Variants in TTN observed in about 807,000 individuals in gnomAD.
TTN encodes connectin.
TTN carries 1,525 observed loss-of-function variants against 3,223.0 expected under a neutral mutation model. The observed-to-expected ratio is 0.47, with a 90% CI of 0.45 to 0.49. The LOEUF (loss-of-function observed/expected upper bound fraction) is 0.49. Ranked by LOEUF, TTN falls within the 20% of genes least tolerant of loss-of-function variation. TTN has a pLI of 0.00. For synonymous variants in TTN, 14,094 were observed against 15,161.0 expected, an observed-to-expected ratio of 0.93 and a Z score of 5.17; for missense variants, 40,786 against 43,424.0, an observed-to-expected ratio of 0.94 and a Z score of 5.40.
intron 274 of TTN, 47 bp downstream of exon 274, chr2:178,608,559 A>G (rs1430904286): frequency 1.3e-6 from 2 of 1,583,158 alleles, no homozygotes; most frequent in Admixed American, 1.9e-5. Context: ...ATTATATACC[A>G]AAGTACATGG....
In TTN at chr2:178,686,113, A is replaced by ATTTTTTTTTTTTTTTTTTTTTTTTTTTTT. The variant is rs765570520; in HGVS notation, c.32312-516_32312-515insAAAAAAAAAAAAAAAAAAAAAAAAAAAAA. On this transcript the variant is annotated intron_variant, in intron 127 of 362. Transcript: ENST00000589042. ...TTGAGCCTAAGTGTATACAGTTTTA[A>ATTTTTTTTTTTTTTTTTTTTTTTTTTTTT]TTTTTTTTTTTTTTTTTTTTTTTTT... is the stretch of plus-strand genomic sequence containing the variant. Among the ~76,000 whole-genome samples, 18 of 77,802 alleles carry ATTTTTTTTTTTTTTTTTTTTTTTTTTTTT rather than the reference A, an allele frequency of 2.3e-4. 1 individual carries two copies. Among genetic ancestry groups the ATTTTTTTTTTTTTTTTTTTTTTTTTTTTT allele is most frequent in the African/African-American group, 6.6e-4 (10 of 15,088 alleles). 51.0% of individuals were successfully genotyped at this position (77,802 alleles called of 152,430 possible).
In TTN at chr2:178,565,691, C is replaced by T; in HGVS notation, c.80441G>A (p.Gly26814Glu). Residue 26814 changes from glycine (G) to glutamate (E), a missense_variant, in exon 326 of 363, where the codon GGG becomes GAG. Transcript: ENST00000589042. Reference protein sequence around the residue: ...PEHDGGSRVLGYVVEMQPKGT... With the variant: ...PEHDGGSRVLEYVVEMQPKGT... ...TTTGGGCTGCATTTCAACAACGTAC[C>T]CCAGGACTCTGCTACCGCCATCATG... 1.2e-6 allele frequency: 2 copies of T among 1,613,582 alleles called. No individual in the cohort carries two copies. Among genetic ancestry groups the T allele is most frequent in the East Asian group, 2.2e-5 (1 of 44,846 alleles).
At position 178,790,088 on chromosome 2, in the gene TTN, C is replaced by T. The variant is rs397517499; in HGVS notation, c.1828G>A (p.Val610Ile). 1.2e-6 allele frequency: 2 copies of T among 1,612,898 alleles called. No homozygotes were observed. The highest frequency in any genetic ancestry group is 1.7e-6 in the Non-Finnish European group (2 of 1,179,338). ...GGTGTGGCAACTATGACTTTAGGTA[C>T]AACTGTTTTCCTAGTTTCCTTCATT... is the stretch of plus-strand genomic sequence containing the variant. The part of the protein sequence containing the change: ...KIMKETRKTV[V>I]PKVIVATPKV... Residue 610 changes from valine to isoleucine, a missense_variant, in exon 12 of 363, where the codon GTA becomes ATA. Physicochemically the swap from Val to Ile is conservative, Grantham distance 29 (BLOSUM62 3). Coordinates refer to ENST00000589042, the MANE Select transcript of TTN (RefSeq NM_001267550.2).
rs2092286263 is a variant in TTN at position 178,776,927 on chromosome 2, T to C, written c.4937A>G (p.Asn1646Ser). 6.2e-7 allele frequency: 1 copy of C among 1,613,374 alleles called. No homozygotes were observed. The highest frequency in any genetic ancestry group is 8.5e-7 in the Non-Finnish European group (1 of 1,179,686). ...AGGCTCTGCAAACTCAACTTCAACA[T>C]TTACTTTGCATCTTGTAGTGTCTCT... ...AGRDTTRCKV[N>S]VEVEFAEPEP... The change falls in exon 28 of 363, where the codon AAT becomes AGT. Residue 1646 changes from asparagine (N) to serine (S), a missense_variant. Physicochemically the swap from Asn to Ser is conservative, Grantham distance 46. Transcript: ENST00000589042.
Position 178,707,653 on chromosome 2 carries a change from G to A in TTN, c.28914C>T (p.Phe9638=). The A allele has an allele frequency of 2.5e-6, 4 of 1,613,874 alleles. No homozygotes were observed. The highest frequency in any genetic ancestry group is 3.4e-6 in the Non-Finnish European group (4 of 1,179,850). ...GTACAGCTGTCCCACTAGCAAAGCT[G>A]AAGCTGCATCTGTCTGAAGGCTTTA... is the stretch of plus-strand genomic sequence containing the variant. ...REIKPSDRCS[F]SFASGTAVLE... is the part of the protein sequence containing the mutation. Residue 9638 remains phenylalanine, a synonymous_variant, in exon 100 of 363, where the codon TTC becomes TTT. Coordinates refer to ENST00000589042, the MANE Select transcript of TTN (RefSeq NM_001267550.2).
chr2:178,569,925 T>C lies in TTN; in HGVS notation c.76207A>G (p.Ile25403Val), dbSNP rs1321813584. Residue 25403 changes from isoleucine to valine, a missense_variant, in exon 326 of 363, where the codon ATT (isoleucine) becomes GTT (valine). Ile to Val is a conservative substitution (Grantham distance 29). Transcript: ENST00000589042. ...TTGTTTGGGGGTCCTGGTTTATAAA[T>C]AGGATCACAAGCCTTTTGGTAAGCA... ...PSAYQKACDP[I>V]YKPGPPNNPK... 2 of 1,613,036 alleles carry C rather than the reference T, an allele frequency of 1.2e-6. No homozygotes were observed. Among genetic ancestry groups the C allele is most frequent in the African/African-American group, 1.3e-5 (1 of 74,868 alleles).
In TTN at chr2:178,612,346, C is replaced by T. The variant is rs766576103; in HGVS notation, c.50179G>A (p.Ala16727Thr). ...TCGCTTTGTCCTATAGCATTTTCTGCAGCAACTCGGAACACATATAAAGAG... is the reference window on the plus strand; with the variant it reads ...TCGCTTTGTCCTATAGCATTTTCTGTAGCAACTCGGAACACATATAAAGAG... Reference protein sequence around the residue: ...EGSLYVFRVAAENAIGQSDYT... With the variant: ...EGSLYVFRVATENAIGQSDYT... The change falls in exon 266 of 363, where the codon GCA becomes ACA. Residue 16727 changes from alanine (A) to threonine (T), a missense_variant. Transcript: ENST00000589042. 6 of 1,612,498 alleles carry T rather than the reference C, an allele frequency of 3.7e-6. No homozygotes were observed. The South Asian group carries it at 6.6e-5, about 18-fold the overall frequency.
chr2:178,647,554 T>G, intron 213 of TTN, 90 bp from the exon 214 acceptor site: 1 of 1,256,718 alleles, frequency 8.0e-7, no homozygotes, highest in South Asian at 1.4e-5. Context: ...GGGCAAGAGC[T>G]TCATCTTAGA....
intron 127 of TTN, among the ~76,000 whole-genome samples, chr2:178,685,831 T>C (rs1189279925): frequency 3.9e-5 from 6 of 152,134 alleles, no homozygotes; most frequent in Non-Finnish European, 8.8e-5. Flanking sequence ...AAATGTGTCA[T>C]ACAGATAATA....
At position 178,722,227 on chromosome 2, in the gene TTN, T is replaced by G. The variant is rs751733946; in HGVS notation, c.22528+32A>C. The G allele has an allele frequency of 4.6e-6, 7 of 1,533,318 alleles. No homozygotes were observed. In the Admixed American group the frequency reaches 1.1e-4, roughly 23 times the overall value. 95.0% of individuals were successfully genotyped at this position (1,533,318 alleles called of 1,614,324 possible). The stretch of plus-strand genomic sequence containing the variant: ...TGACAATGAAATATGAAGCCACAGT[T>G]TGCAAAGAAAAAGAGTGACGTGTGA... On this transcript the variant is annotated intron_variant, in intron 77 of 362. Coordinates refer to ENST00000589042, the MANE Select transcript of TTN (RefSeq NM_001267550.2).
chr2:178,621,123 C>T lies in TTN; in HGVS notation c.45595G>A (p.Ala15199Thr). The change falls in exon 246 of 363, where the codon GCA (alanine) becomes ACA (threonine). Residue 15199 changes from alanine to threonine, a missense_variant. Coordinates refer to ENST00000589042, the MANE Select transcript of TTN (RefSeq NM_001267550.2). ...TTACCAATGACTGTCAAGTGAGCTG[C>T]TGCTCTGGCGGCCCCTACCATGACA... ...YVVMVGAARAAAHLTVIEKLR... is the reference protein window; with the variant it reads ...YVVMVGAARATAHLTVIEKLR... 3 of 1,612,470 alleles carry T rather than the reference C, an allele frequency of 1.9e-6. No homozygotes were observed. Among genetic ancestry groups the T allele is most frequent in the Non-Finnish European group, 2.5e-6 (3 of 1,179,230 alleles).
In TTN at chr2:178,587,548, TCTC is replaced by T; in HGVS notation, c.63758_63760del (p.Gly21253del). 5.6e-6 allele frequency: 9 copies of T among 1,610,586 alleles called. No homozygotes were observed. Among genetic ancestry groups the T allele is most frequent in the Non-Finnish European group, 7.6e-6 (9 of 1,178,126 alleles). On this transcript the variant is annotated inframe_deletion, in exon 306 of 363. Transcript: ENST00000589042. ...TCTGACATTTACGAATACAGCCTTT[TCTC>T]CTGCTGGGTTCACAAGTGTTAAGGA...
intron 45 of TTN, among the ~76,000 whole-genome samples, chr2:178,757,173 T>C (rs1046792013): frequency 2.0e-5 from 3 of 151,718 alleles, no homozygotes; most frequent in Non-Finnish European, 4.4e-5. Context: ...AGTAATACTG[T>C]ACTTACTTTA....
chr2:178,776,126 G>C lies in TTN; in HGVS notation c.5738C>G (p.Thr1913Ser), dbSNP rs1306092689. 6.2e-7 allele frequency: 1 copy of C among 1,613,964 alleles called. No individual in the cohort carries two copies. The highest frequency in any genetic ancestry group is 8.5e-7 in the Non-Finnish European group (1 of 1,180,008). Reference protein sequence around the residue: ...KSYDTGEVKVTAENPEGVIEH... With the variant: ...KSYDTGEVKVSAENPEGVIEH... ...TATCACACCTTCAGGATTTTCCGCG[G>C]TGACCTTCACTTCACCTGTGTCATA... The change falls in exon 28 of 363, where the codon ACC (threonine) becomes AGC (serine). Residue 1913 changes from threonine (T) to serine (S), a missense_variant. Coordinates refer to ENST00000589042, the MANE Select transcript of TTN (RefSeq NM_001267550.2).
rs752062913 is a variant in TTN, at chr2:178,767,880, G to A, written c.9350C>T (p.Pro3117Leu). Residue 3117 changes from proline (P) to leucine (L), a missense_variant, in exon 40 of 363, where the codon CCA becomes CTA. By Grantham distance (98) the Pro-to-Leu change is moderately conservative. Coordinates refer to ENST00000589042, the MANE Select transcript of TTN (RefSeq NM_001267550.2). ...KEKYVHRLLI[P>L]STRMSDAGKY... The stretch of plus-strand genomic sequence containing the variant: ...CCCAGCATCAGACATCCGGGTGGAT[G>A]GGATCAGAAGGCGGTGGACATATTT... 3 of 1,613,996 alleles carry A rather than the reference G, an allele frequency of 1.9e-6. No homozygotes were observed. Among genetic ancestry groups the A allele is most frequent in the African/African-American group, 1.3e-5 (1 of 74,922 alleles).
Position 178,757,556 on chromosome 2 carries a change from G to A in TTN, c.10664C>T (p.Thr3555Ile). 1 of 1,576,380 alleles carries A rather than the reference G, an allele frequency of 6.3e-7. No homozygotes were observed. Among genetic ancestry groups the A allele is most frequent in the Non-Finnish European group, 8.6e-7 (1 of 1,158,740 alleles). The change falls in exon 45 of 363, where the codon ACA (threonine) becomes ATA (isoleucine). Residue 3555 changes from threonine to isoleucine, a missense_variant. Coordinates refer to ENST00000589042, the MANE Select transcript of TTN (RefSeq NM_001267550.2). ...AGEATCAATLTVTPKVQALDR... is the reference protein window; with the variant it reads ...AGEATCAATLIVTPKVQALDR... ...ATGGGCTTTACCTTTTGGAGTCACT[G>A]TGAGTGTAGCTGCACAAGTGGCTTC...
In TTN at chr2:178,766,308, G is replaced by A; in HGVS notation, c.9703+73C>T. The A allele has an allele frequency of 2.4e-6, 3 of 1,239,112 alleles. No homozygotes were observed. The South Asian group carries it at 3.6e-5, about 15-fold the overall frequency. The allele number at this position is 1,239,112 out of a possible 1,614,324, so 76.8% of individuals were successfully genotyped here. ...TTTAGAAATTTCCTTCAAGTTACAA[G>A]AATTTAGTGACTTAAACAGGAGGAT... On this transcript the variant is annotated intron_variant, in intron 41 of 362. Coordinates refer to ENST00000589042, the MANE Select transcript of TTN (RefSeq NM_001267550.2).
chr2:178,539,274 C>T, intron 352 of TTN, 23 bp from the exon 353 acceptor site: 2 of 1,609,124 alleles, frequency 1.2e-6, no homozygotes, highest in African/African-American at 1.3e-5. Context: ...GTGGAAAGCA[C>T]ACATGTATTA....
intron 250 of TTN, 99 bp from the exon 251 acceptor site, chr2:178,618,952 C>G: frequency 6.8e-7 from 1 of 1,459,944 alleles, no homozygotes; most frequent in Non-Finnish European, 9.1e-7. Context: ...GTTACATAAC[C>G]TTGGAAGTAA....
Sources: gnomAD v4.1 joint callset for allele counts (sites outside exome capture counted in the v4.1 genomes callset) on GRCh38, gnomAD v4.1.1 for gene constraint, MANE v1.5 for transcripts, NCBI Gene and HGNC (gene_info 2026-07-23, HGNC 2026-07-21) for gene names.